RBFOX1: variants seen among roughly 807,000 people sequenced by gnomAD.
The protein encoded by RBFOX1 is RNA binding fox-1 homolog 1, also known as RNA binding protein fox-1 homolog 1.
Under a neutral mutation model 57.7 loss-of-function variants are expected in RBFOX1, and 8 were observed. The ratio of observed to expected loss-of-function variants is 0.14; its 90% CI spans 0.08 to 0.25. The LOEUF (loss-of-function observed/expected upper bound fraction) is 0.25, where lower values mean the gene tolerates loss of function less well. Ranked by LOEUF, RBFOX1 falls within the 10% of genes least tolerant of loss-of-function variation. RBFOX1 has a pLI of 1.00. For missense variants in RBFOX1, 611 were observed against 548.5 expected (o/e 1.11, Z -1.14); for synonymous variants, 326 against 222.4 (o/e 1.47, Z -4.15).
At chr16:6,863,807 G>C (rs1201178905) in intron 3 of RBFOX1, among the ~76,000 whole-genome samples, 3 of 140,226 alleles carry the variant, frequency 2.1e-5, no homozygotes, top group Admixed American at 7.5e-5. Context: ...ACAGTCTCAG[G>C]AGGATGTGCT....
chr16:5,442,537 A>G (rs973696057), intron 1 of RBFOX1, among the ~76,000 whole-genome samples: 3 of 152,248 alleles, frequency 2.0e-5, no homozygotes, highest in African/African-American at 4.8e-5. Context: ...GTAAAGTGGC[A>G]TGGCAGTGGG....
rs1194371317 is a variant in RBFOX1 at position 7,337,945 on chromosome 16, A to C, written c.28-180202A>C. Among the ~76,000 whole-genome samples the C allele has an allele frequency of 2.0e-5, 3 of 152,200 alleles. No homozygotes were observed. In the East Asian group the frequency reaches 5.8e-4, roughly 29 times the overall value. On this transcript the variant is annotated intron_variant, in intron 4 of 15. Coordinates refer to ENST00000550418, the MANE Select transcript of RBFOX1 (RefSeq NM_018723.4). The stretch of plus-strand genomic sequence containing the variant: ...TGATCTGCCCGCCTTGGCCTCCCAG[A>C]GTACTGGGATTACAGGCATGAGCCA...
intron 4 of RBFOX1, among the ~76,000 whole-genome samples, chr16:7,209,445 C>A (rs2152773319): frequency 6.6e-6 from 1 of 152,190 alleles, no homozygotes; most frequent in Middle Eastern, 3.4e-3. Flanking sequence ...TTTTAAAAGC[C>A]CCTGCTATCA....
chr16:6,948,371 C>CTTTATT (rs1467426841), intron 3 of RBFOX1, among the ~76,000 whole-genome samples: 1 of 109,658 alleles, frequency 9.1e-6, no homozygotes, highest in Non-Finnish European at 1.9e-5. Flanking sequence ...TTCTTTCTCC[C>CTTTATT]TTTCTTTTTT....
intron 2 of RBFOX1, among the ~76,000 whole-genome samples, chr16:6,566,242 C>T (rs1050332545): frequency 2.0e-5 from 3 of 152,170 alleles, no homozygotes; most frequent in African/African-American, 7.2e-5. Context: ...CTGAGATCCA[C>T]CACGGTGAGA....
chr16:7,490,885 G>A (rs943353656), intron 4 of RBFOX1, among the ~76,000 whole-genome samples: 1 of 151,978 alleles, frequency 6.6e-6, no homozygotes, highest in East Asian at 1.9e-4. Flanking sequence ...CTGACATTAG[G>A]GTGTCTTTAT....
chr16:7,548,767 T>C (rs2085390711), intron 5 of RBFOX1, among the ~76,000 whole-genome samples: 1 of 152,194 alleles, frequency 6.6e-6, no homozygotes, highest in African/African-American at 2.4e-5. Flanking sequence ...GGCCGCCATG[T>C]TTGCCTCTGT....
chr16:6,642,328 A>G (rs922511226), intron 2 of RBFOX1, among the ~76,000 whole-genome samples: 1 of 152,232 alleles, frequency 6.6e-6, no homozygotes, highest in Non-Finnish European at 1.5e-5. Context: ...GTGGGTAATT[A>G]CTTTTACAGT....
chr16:5,784,044 C>T (rs1428298370), intron 3 of RBFOX1, among the ~76,000 whole-genome samples: 1 of 152,182 alleles, frequency 6.6e-6, no homozygotes, highest in Non-Finnish European at 1.5e-5. Context: ...GTTCATGGTT[C>T]TGCAGGCTGT....
chr16:6,002,541 G>A (rs1260669731), intron 4 of RBFOX1, among the ~76,000 whole-genome samples: 3 of 152,166 alleles, frequency 2.0e-5, no homozygotes, highest in Non-Finnish European at 2.9e-5. Context: ...TGAAGTAGGT[G>A]GAGATAATTG....
chr16:7,698,301 G>C (rs1283304149), intron 14 of RBFOX1, among the ~76,000 whole-genome samples: 1 of 151,874 alleles, frequency 6.6e-6, no homozygotes, highest in Non-Finnish European at 1.5e-5. Flanking sequence ...CATTCCCTTA[G>C]CAAATCTGGG....
intron 1 of RBFOX1, among the ~76,000 whole-genome samples, chr16:6,063,973 TTA>T (rs1431262981): frequency 6.6e-6 from 1 of 152,214 alleles, no homozygotes; most frequent in African/African-American, 2.4e-5. Context: ...AACCACATGA[TTA>T]TATCTTTACA....
chr16:6,468,644 TA>T (rs1357278932), intron 2 of RBFOX1, among the ~76,000 whole-genome samples: 1 of 152,028 alleles, frequency 6.6e-6, no homozygotes, highest in East Asian at 1.9e-4. Flanking sequence ...CAAAAACAAA[TA>T]AAACCATTTT....
chr16:6,436,956 T>C (rs113056131), intron 2 of RBFOX1, among the ~76,000 whole-genome samples: 2,988 of 152,328 alleles, frequency 0.02, 54 homozygotes, highest in African/African-American at 0.044. Flanking sequence ...CTTCATCCCT[T>C]GCAGGCCCAG....
At chr16:6,002,954 C>T (rs912674390) in intron 4 of RBFOX1, among the ~76,000 whole-genome samples, 1 of 152,124 alleles carries the variant, frequency 6.6e-6, no homozygotes, top group Admixed American at 6.5e-5. Flanking sequence ...CTCTGACAGC[C>T]ATTTCAATTT....
At chr16:7,167,585 C>G (rs1045026877) in intron 4 of RBFOX1, among the ~76,000 whole-genome samples, 1 of 152,234 alleles carries the variant, frequency 6.6e-6, no homozygotes, top group African/African-American at 2.4e-5. Context: ...TTTCTGGCCT[C>G]CAGAACTGAC....
At chr16:6,471,257 A>G (rs2095168056) in intron 2 of RBFOX1, among the ~76,000 whole-genome samples, 1 of 152,068 alleles carries the variant, frequency 6.6e-6, no homozygotes, top group Non-Finnish European at 1.5e-5. Flanking sequence ...TGGAGATCCA[A>G]CTCAAGCATC....
rs111709241 is a variant in RBFOX1 at position 5,450,586 on chromosome 16, T to C, written c.220-16630T>C. Among the ~76,000 whole-genome samples the C allele has an allele frequency of 2.5e-3, 387 of 152,296 alleles. 1 individual carries two copies. Among genetic ancestry groups the C allele is most frequent in the African/African-American group, 9.0e-3 (373 of 41,560 alleles). On this transcript the variant is annotated intron_variant, in intron 1 of 2. Coordinates refer to the RBFOX1 transcript ENST00000585867. ...TCTTTCTTTGTTCTCTGGAGTGTAC[T>C]GTTTTGCTTGGATTTATGCAAATGG...
chr16:6,120,080 T>G (rs970012633), intron 1 of RBFOX1, among the ~76,000 whole-genome samples: 1 of 152,218 alleles, frequency 6.6e-6, no homozygotes, highest in Non-Finnish European at 1.5e-5. Context: ...AGTATAGAGT[T>G]TTTTTGAAGT....
Sources: gnomAD v4.1 joint callset for allele counts (sites outside exome capture counted in the v4.1 genomes callset) on GRCh38, gnomAD v4.1.1 for gene constraint, MANE v1.5 for transcripts, NCBI Gene and HGNC (gene_info 2026-07-23, HGNC 2026-07-21) for gene names.